Variants in CR1 observed in about 807,000 individuals in gnomAD.
The protein encoded by CR1 is complement C3b/C4b receptor 1 (Knops blood group).
In CR1, 116 loss-of-function variants were observed where a neutral mutation model predicts 187.3. The ratio of observed to expected loss-of-function variants is 0.62; its 90% CI spans 0.53 to 0.72. CR1 has a LOEUF of 0.72. Among genes scored for constraint, CR1 ranks in the 30% least tolerant of loss-of-function variants. CR1 has a pLI of 0.00. For synonymous variants in CR1, 576 were observed against 747.1 expected (o/e 0.77, Z 3.73); for missense variants, 1,731 against 2,110.7 (o/e 0.82, Z 3.52).
chr1:207,513,305 AC>A (rs1659680053), intron 4 of CR1, among the ~76,000 whole-genome samples: 2 of 152,300 alleles, frequency 1.3e-5, no homozygotes, highest in African/African-American at 2.4e-5. Flanking sequence ...GGACTCTGCC[AC>A]CCTGAGGTCC....
chr1:207,597,826 C>T (rs1661493474), intron 35 of CR1, among the ~76,000 whole-genome samples: 3 of 152,132 alleles, frequency 2.0e-5, no homozygotes, highest in African/African-American at 7.2e-5. Context: ...TTCAAAATAG[C>T]CAAAAGGTAG....
chr1:207,509,091 GT>G (rs935940746), intron 3 of CR1, among the ~76,000 whole-genome samples: 3 of 152,174 alleles, frequency 2.0e-5, no homozygotes, highest in African/African-American at 7.2e-5. Flanking sequence ...CACAGGATTT[GT>G]TTTTTATTCT....
chr1:207,612,113 C>T, intron 39 of CR1, 72 bp downstream of exon 39: 4 of 1,467,690 alleles, frequency 2.7e-6, no homozygotes, highest in Non-Finnish European at 3.8e-6. Flanking sequence ...GGGGTTAATC[C>T]AATTAAGGAG....
intron 42 of CR1, among the ~76,000 whole-genome samples, chr1:207,618,876 A>G (rs1228238102): frequency 6.6e-6 from 1 of 151,082 alleles, no homozygotes; most frequent in African/African-American, 2.4e-5. Context: ...CCCCGTTTCT[A>G]CTAAAAATAC....
At position 207,578,060 on chromosome 1, in the gene CR1, T is replaced by G. The variant is rs763794161; in HGVS notation, c.4793T>G (p.Leu1598Trp). The G allele has an allele frequency of 1.2e-6, 2 of 1,611,540 alleles. No individual in the cohort carries two copies. The highest frequency in any genetic ancestry group is 2.7e-5 in the African/African-American group (2 of 74,834). The change falls in exon 29 of 47, where the codon TTG becomes TGG. Residue 1598 changes from leucine (L) to tryptophan (W), a missense_variant. Physicochemically the swap from Leu to Trp is moderately conservative, Grantham distance 61. Around this residue, in one of 5 missense-constraint regions of CR1, gnomAD observed 1,312 missense variants for 1,379.6 expected, o/e 0.95. Coordinates refer to ENST00000367049, the MANE Select transcript of CR1 (RefSeq NM_000651.6). ...CTPPNVENGI[L>W]VSDNRSLFSL... ...CCTCCAAATGTGGAAAATGGAATAT[T>G]GGTATCTGACAACAGAAGCTTATTT...
intron 36 of CR1, among the ~76,000 whole-genome samples, chr1:207,608,160 T>A (rs1241254027): frequency 1.3e-5 from 2 of 152,170 alleles, no homozygotes; most frequent in South Asian, 2.1e-4. Context: ...ACAACCTAAA[T>A]GTTCAGCATG....
At chr1:207,619,055 A>G (rs1265847099) in intron 42 of CR1, among the ~76,000 whole-genome samples, 1 of 147,148 alleles carries the variant, frequency 6.8e-6, no homozygotes, top group Non-Finnish European at 1.5e-5. Flanking sequence ...AAAAAAAAAA[A>G]GAAAAGAAAA....
At chr1:207,507,013 G>C in intron 3 of CR1, 200 bp downstream of exon 3, 2 of 515,024 alleles carry the variant, frequency 3.9e-6, no homozygotes, top group Non-Finnish European at 6.9e-6. Context: ...ATCCTTGCTG[G>C]AAACCAAGGC....
At chr1:207,521,525 A>G (rs1263866309) in intron 4 of CR1, among the ~76,000 whole-genome samples, 1 of 150,816 alleles carries the variant, frequency 6.6e-6, no homozygotes, top group African/African-American at 2.4e-5. Context: ...TTTCTTTCAG[A>G]GTCTAACCTG....
chr1:207,639,505 C>A lies in CR1; in HGVS notation c.*96C>A, dbSNP rs1662916167. On this transcript the variant is annotated 3_prime_UTR_variant, in exon 47 of 47. Transcript: ENST00000367049. The stretch of plus-strand genomic sequence containing the variant: ...GAATCAGATCTGAGCTTCATAAAGT[C>A]TTTGAAGTGACTTCACAGAGACGCA... 3 of 1,244,304 alleles carry A rather than the reference C, an allele frequency of 2.4e-6. No homozygotes were observed. The highest frequency in any genetic ancestry group is 1.3e-5 in the South Asian group (1 of 75,968). 77.1% of individuals were successfully genotyped at this position (1,244,304 alleles called of 1,614,324 possible).
At chr1:207,525,862 C>T (rs3845218) in intron 5 of CR1, among the ~76,000 whole-genome samples, 41 of 151,706 alleles carry the variant, frequency 2.7e-4, no homozygotes, top group African/African-American at 4.6e-4. Context: ...TACAAACTCC[C>T]TAAAGAAGTC....
chr1:207,595,850 A>G (rs993340515), intron 35 of CR1, among the ~76,000 whole-genome samples: 1 of 151,712 alleles, frequency 6.6e-6, no homozygotes, highest in African/African-American at 2.4e-5. Context: ...AAGCAGGACT[A>G]ATTCTTGAAA....
chr1:207,580,189 T>A (rs370191816), intron 29 of CR1, 51 bp from the exon 30 acceptor site: 47 of 1,597,572 alleles, frequency 2.9e-5, no homozygotes, highest in Non-Finnish European at 4.0e-5. Context: ...TCAGGAAGCA[T>A]AGGAAATTCC....
intron 1 of CR1, among the ~76,000 whole-genome samples, chr1:207,501,593 C>T (rs1473099337): frequency 5.9e-5 from 9 of 152,078 alleles, no homozygotes; most frequent in Non-Finnish European, 1.2e-4. Context: ...TACAACTTTG[C>T]TTTTTATAAT....
At chr1:207,623,809 G>A (rs1396304433) in intron 45 of CR1, among the ~76,000 whole-genome samples, 2 of 151,284 alleles carry the variant, frequency 1.3e-5, no homozygotes, top group Admixed American at 6.6e-5. Context: ...GTCACTTATG[G>A]CACACATATC....
chr1:207,566,954 C>T (rs1403063454), intron 24 of CR1, among the ~76,000 whole-genome samples: 1 of 150,296 alleles, frequency 6.7e-6, no homozygotes, highest in East Asian at 1.9e-4. Flanking sequence ...TTCTTGCTGT[C>T]TAAGAAATCC....
chr1:207,583,920 A>G (rs199557294), intron 32 of CR1, among the ~76,000 whole-genome samples: 4 of 152,298 alleles, frequency 2.6e-5, no homozygotes, highest in South Asian at 4.1e-4. Context: ...CCTCTTCCCA[A>G]ATTCAAAGCA....
rs75537967 is a variant in CR1 at position 207,499,352 on chromosome 1, G to A, written c.121+2964G>A. Among the ~76,000 whole-genome samples the A allele has an allele frequency of 6.0e-3, 913 of 152,302 alleles. 12 individuals are homozygous for A. The highest frequency in any genetic ancestry group is 0.021 in the African/African-American group (893 of 41,560). ...TGCACCTGATGGAGAGACAAAATAC[G>A]TGAGGCAAAACCCATAGAACTGCAA... On this transcript the variant is annotated intron_variant, in intron 1 of 46. Coordinates refer to ENST00000367049, the MANE Select transcript of CR1 (RefSeq NM_000651.6).
chr1:207,623,699 T>C (rs547267572), intron 45 of CR1, among the ~76,000 whole-genome samples: 2 of 151,876 alleles, frequency 1.3e-5, no homozygotes, highest in East Asian at 3.9e-4. Flanking sequence ...GGTTTTTAAA[T>C]AGTTGTTCAT....
Sources: gnomAD v4.1 joint callset for allele counts (sites outside exome capture counted in the v4.1 genomes callset) on GRCh38, gnomAD v4.1.1 for gene constraint, gnomAD v4.1.1 regional missense constraint, MANE v1.5 for transcripts, NCBI Gene and HGNC (gene_info 2026-07-23, HGNC 2026-07-21) for gene names.